The following ALK variants were observed in gnomAD, a reference collection of about 807,000 sequenced individuals.
ALK encodes the protein ALK receptor tyrosine kinase.
In ALK, 74 loss-of-function variants were observed where a neutral mutation model predicts 163.1. The ratio of observed to expected loss-of-function variants is 0.45; its 90% CI spans 0.38 to 0.55. The LOEUF (loss-of-function observed/expected upper bound fraction) is 0.55, where lower values mean the gene tolerates loss of function less well. ALK is among the 20% of genes least tolerant of loss of function. ALK has a pLI of 0.00. For missense variants in ALK, 2,063 were observed against 2,105.3 expected, an observed-to-expected ratio of 0.98 and a Z score of 0.39; for synonymous variants, 960 against 843.2, an observed-to-expected ratio of 1.14 and a Z score of -2.40.
Position 29,919,990 on chromosome 2 carries a change from C to T in ALK, c.667+3G>A, listed in dbSNP as rs1289860460. On this transcript the variant is annotated splice_donor_region_variant and intron_variant, in intron 1 of 28. Transcript: ENST00000389048. ...CCGGCACACTCAGGCGGGAGCTGCT[C>T]ACCAGTCCCGAAGATCTGGAAGAGA... 1 of 1,613,456 alleles carries T rather than the reference C, an allele frequency of 6.2e-7. No individual in the cohort carries two copies. The highest frequency in any genetic ancestry group is 2.2e-5 in the East Asian group (1 of 44,868).
At chr2:29,550,365 C>T (rs542649433) in intron 3 of ALK, among the ~76,000 whole-genome samples, 1 of 152,290 alleles carries the variant, frequency 6.6e-6, no homozygotes, top group South Asian at 2.1e-4. Flanking sequence ...ACAGCTAGAG[C>T]CTTTCCCTGG....
In ALK at chr2:29,213,967, C is replaced by A. The variant is rs2148159190; in HGVS notation, c.3743+17G>T. 1 of 1,604,986 alleles carries A rather than the reference C, an allele frequency of 6.2e-7. No individual in the cohort carries two copies. The highest frequency in any genetic ancestry group is 8.5e-7 in the Non-Finnish European group (1 of 1,171,796). ...CAGCGACAGGATGACAGGAAGAGCA[C>A]AGTCACTTTGACTCACCGGTGGATG... On this transcript the variant is annotated intron_variant, in intron 24 of 28. Coordinates refer to ENST00000389048, the MANE Select transcript of ALK (RefSeq NM_004304.5).
intron 4 of ALK, among the ~76,000 whole-genome samples, chr2:29,393,459 AC>A (rs1395005123): frequency 1.3e-5 from 2 of 152,064 alleles, no homozygotes; most frequent in East Asian, 3.9e-4. Flanking sequence ...CCTGCTCCAC[AC>A]CCAGGAGGAA....
At chr2:29,891,598 T>A (rs984016406) in intron 1 of ALK, among the ~76,000 whole-genome samples, 16 of 152,110 alleles carry the variant, frequency 1.1e-4, no homozygotes, top group African/African-American at 3.9e-4. Flanking sequence ...GCCCATAAAG[T>A]AGAACATTTT....
At chr2:29,332,116 C>A (rs13032226) in intron 5 of ALK, among the ~76,000 whole-genome samples, 1 of 151,340 alleles carries the variant, frequency 6.6e-6, no homozygotes, top group Admixed American at 6.6e-5. Context: ...GAAACCCCGT[C>A]TCTACTAAAA....
chr2:29,559,215 T>G (rs1375133449), intron 3 of ALK, among the ~76,000 whole-genome samples: 1 of 152,192 alleles, frequency 6.6e-6, no homozygotes, highest in Non-Finnish European at 1.5e-5. Context: ...CAGGAATCTG[T>G]ATATTGAAGG....
At chr2:29,486,888 T>C (rs370988258) in intron 4 of ALK, among the ~76,000 whole-genome samples, 13 of 152,224 alleles carry the variant, frequency 8.5e-5, no homozygotes, top group East Asian at 3.8e-4. Flanking sequence ...ATGAGCTTAA[T>C]TTAATTTTAA....
At chr2:29,440,095 G>A (rs548378888) in intron 4 of ALK, among the ~76,000 whole-genome samples, 2 of 151,964 alleles carry the variant, frequency 1.3e-5, no homozygotes, top group African/African-American at 2.4e-5. Context: ...TTAGCCGGAC[G>A]TACTGGTGAG....
At chr2:29,727,945 GCT>G (rs1455501637) in intron 1 of ALK, among the ~76,000 whole-genome samples, 1 of 152,138 alleles carries the variant, frequency 6.6e-6, no homozygotes, top group East Asian at 1.9e-4. Context: ...AAGGAAAGAT[GCT>G]TCACTCGAAG....
chr2:29,248,494 C>T (rs1419938334), intron 12 of ALK, among the ~76,000 whole-genome samples: 4 of 152,286 alleles, frequency 2.6e-5, no homozygotes, highest in African/African-American at 7.2e-5. Flanking sequence ...CCCAACTGAG[C>T]GGCTTTTGGT....
chr2:29,298,765 A>G (rs1666277015), intron 8 of ALK, among the ~76,000 whole-genome samples: 1 of 151,736 alleles, frequency 6.6e-6, no homozygotes, highest in Non-Finnish European at 1.5e-5. Flanking sequence ...CCCAGTGTTT[A>G]TTTATCCTCC....
intron 1 of ALK, among the ~76,000 whole-genome samples, chr2:29,901,544 C>G (rs1304857644): frequency 6.6e-6 from 1 of 152,210 alleles, no homozygotes; most frequent in African/African-American, 2.4e-5. Context: ...AGCCCACCCA[C>G]CAGGTCTGAA....
intron 1 of ALK, among the ~76,000 whole-genome samples, chr2:29,852,946 T>C (rs1278386066): frequency 1.3e-5 from 2 of 151,998 alleles, no homozygotes; most frequent in African/African-American, 4.8e-5. Context: ...TGGTGGACAC[T>C]GTATCAGTCA....
At chr2:29,320,197 G>A (rs1005430561) in intron 7 of ALK, among the ~76,000 whole-genome samples, 5 of 152,340 alleles carry the variant, frequency 3.3e-5, no homozygotes, top group African/African-American at 4.8e-5. Context: ...TGCCAGACAC[G>A]CAGGGTTTGT....
At chr2:29,667,844 G>C (rs372102396) in intron 3 of ALK, among the ~76,000 whole-genome samples, 1 of 151,980 alleles carries the variant, frequency 6.6e-6, no homozygotes, top group South Asian at 2.1e-4. Context: ...TTTTTTTGAA[G>C]AGTTTGAGCA....
intron 22 of ALK, chr2:29,221,160 G>A (rs1233702171): frequency 3.6e-6 from 2 of 555,702 alleles, no homozygotes; most frequent in Non-Finnish European, 7.1e-6. Flanking sequence ...CGTGGACTGG[G>A]TGCTAGAATT....
chr2:29,758,235 C>G (rs1573611884), intron 1 of ALK, among the ~76,000 whole-genome samples: 1 of 152,058 alleles, frequency 6.6e-6, no homozygotes, highest in African/African-American at 2.4e-5. Flanking sequence ...TGGTCTCAAA[C>G]TCCTCCTCAA....
intron 3 of ALK, among the ~76,000 whole-genome samples, chr2:29,559,767 A>ATGTGTGTGTG (rs1491268591): frequency 2.0e-5 from 1 of 50,824 alleles, no homozygotes; most frequent in Admixed American, 2.1e-4. Context: ...GGGAGCATGT[A>ATGTGTGTGTG]CGTGTGTGTG....
At chr2:29,379,396 T>C (rs1323705148) in intron 5 of ALK, among the ~76,000 whole-genome samples, 1 of 152,246 alleles carries the variant, frequency 6.6e-6, no homozygotes, top group African/African-American at 2.4e-5. Flanking sequence ...AGTCAACATG[T>C]ATTCGTGTGG....
Sources: gnomAD v4.1 joint callset for allele counts (sites outside exome capture counted in the v4.1 genomes callset) on GRCh38, gnomAD v4.1.1 for gene constraint, MANE v1.5 for transcripts, NCBI Gene and HGNC (gene_info 2026-07-23, HGNC 2026-07-21) for gene names.